RBPJ: variants seen among roughly 807,000 people sequenced by gnomAD.
The protein encoded by RBPJ is recombining binding protein suppressor of hairless.
A neutral mutation model predicts 67.8 loss-of-function variants in RBPJ; 9 were observed. The observed-to-expected ratio is 0.13, with a 90% confidence interval of 0.08 to 0.23. RBPJ has a LOEUF of 0.23. RBPJ is among the 10% of genes least tolerant of loss of function. RBPJ has a pLI of 1.00. For synonymous variants in RBPJ, 198 were observed against 203.3 expected (o/e 0.97, Z 0.22); for missense variants, 305 against 595.6 (o/e 0.51, Z 5.08).
In RBPJ at chr4:26,174,657, A is replaced by T. The variant is rs1195025686; in HGVS notation, c.-167+11043A>T. ...ACTAATTTTTATACTTTTAGTAGAG[A>T]TGGGGTTTCACTATGTTGGCAAGGC... is the stretch of plus-strand genomic sequence containing the variant. On this transcript the variant is annotated intron_variant, in intron 1 of 4. Coordinates refer to the RBPJ transcript ENST00000512351. Among the ~76,000 whole-genome samples, 6 of 152,116 alleles carry T rather than the reference A, an allele frequency of 3.9e-5. 1 individual carries two copies. The highest frequency in any genetic ancestry group is 1.4e-4 in the African/African-American group (6 of 41,514).
intron 1 of RBPJ, among the ~76,000 whole-genome samples, chr4:26,215,262 A>G: frequency 1.3e-5 from 1 of 76,606 alleles, no homozygotes; most frequent in African/African-American, 8.1e-5. Context: ...AAAGAAAGGA[A>G]GGGAGGGAGG....
intron 1 of RBPJ, among the ~76,000 whole-genome samples, chr4:26,338,776 T>G (rs564535734): frequency 6.6e-6 from 1 of 151,998 alleles, no homozygotes; most frequent in Non-Finnish European, 1.5e-5. Flanking sequence ...GGTTTCACCA[T>G]CTTTCCCAGG....
At chr4:26,289,384 C>CAAAAAAAAAAAAAGAAAAA (rs1721587625) in intron 1 of RBPJ, among the ~76,000 whole-genome samples, 1 of 78,338 alleles carries the variant, frequency 1.3e-5, no homozygotes, top group African/African-American at 4.9e-5. Context: ...GACTTGGTCT[C>CAAAAAAAAAAAAAGAAAAA]AAAAAAAAAA....
intron 1 of RBPJ, among the ~76,000 whole-genome samples, chr4:26,164,618 A>G (rs1439244037): frequency 6.6e-6 from 1 of 152,252 alleles, no homozygotes; most frequent in East Asian, 1.9e-4. Context: ...TTCCAAAAGT[A>G]CTTGGATGCA....
At chr4:26,396,950 A>G (rs1452564774) in intron 2 of RBPJ, among the ~76,000 whole-genome samples, 1 of 152,188 alleles carries the variant, frequency 6.6e-6, no homozygotes, top group Non-Finnish European at 1.5e-5. Flanking sequence ...GACCTTGTTG[A>G]CTATTGATAG....
chr4:26,394,188 G>A lies in RBPJ; in HGVS notation c.59+7797G>A, dbSNP rs1289388400. On this transcript the variant is annotated intron_variant, in intron 2 of 10. Transcript: ENST00000355476. ...ACTACAGGTACCTGCCACCACACCC[G>A]GCTAATTTTTTTGTATTTTTAGTAG... Among the ~76,000 whole-genome samples the A allele has an allele frequency of 4.0e-5, 6 of 151,886 alleles. No homozygotes were observed. The East Asian group carries it at 7.7e-4, about 20-fold the overall frequency.
At chr4:26,370,020 C>A (rs747713497) in intron 1 of RBPJ, among the ~76,000 whole-genome samples, 1 of 152,098 alleles carries the variant, frequency 6.6e-6, no homozygotes, top group Non-Finnish European at 1.5e-5. Flanking sequence ...AGTTATCTGA[C>A]CAACAAGGAT....
chr4:26,342,142 C>T (rs945538848), intron 1 of RBPJ, among the ~76,000 whole-genome samples: 5 of 151,866 alleles, frequency 3.3e-5, no homozygotes, highest in African/African-American at 9.7e-5. Flanking sequence ...AGCAAGTTCC[C>T]GGATGATTCT....
At chr4:26,162,373 C>A (rs1716106108), upstream of RBPJ, among the ~76,000 whole-genome samples, 1 of 152,348 alleles carries the variant, frequency 6.6e-6, no homozygotes, top group East Asian at 1.9e-4. Context: ...CCAGTGAGTT[C>A]ATGATCTCCA....
chr4:26,321,049 GT>G lies in RBPJ; in HGVS notation c.20+2del. On this transcript the variant is annotated splice_donor_variant, in intron 1 of 10. Transcript: ENST00000355476. LOFTEE classifies it high-confidence loss of function. ...GGAAGATGGCGCCTGTTGTGACAGG[GT>G]AAGTCTGAGGGAATCGGAGCGCCGG... is the stretch of plus-strand genomic sequence containing the variant. 6.2e-7 allele frequency: 1 copy of G among 1,608,494 alleles called. No individual in the cohort carries two copies. Among genetic ancestry groups the G allele is most frequent in the Non-Finnish European group, 8.5e-7 (1 of 1,175,234 alleles).
intron 2 of RBPJ, among the ~76,000 whole-genome samples, chr4:26,399,884 G>T (rs1732587507): frequency 6.6e-6 from 1 of 151,912 alleles, no homozygotes; most frequent in South Asian, 2.1e-4. Context: ...TCACTATGTT[G>T]GCCAGGCTGG....
At chr4:26,351,954 G>A (rs906079503) in intron 1 of RBPJ, among the ~76,000 whole-genome samples, 1 of 152,168 alleles carries the variant, frequency 6.6e-6, no homozygotes, top group Non-Finnish European at 1.5e-5. Flanking sequence ...TTGGGTCGGG[G>A]GGAGGTGTGT....
chr4:26,268,265 AAAAAC>A (rs1720770157), intron 1 of RBPJ, among the ~76,000 whole-genome samples: 1 of 152,166 alleles, frequency 6.6e-6, no homozygotes, highest in South Asian at 2.1e-4. Context: ...AAAAAAAACA[AAAAAC>A]AAACAACAAA....
intron 2 of RBPJ, among the ~76,000 whole-genome samples, chr4:26,398,062 G>A (rs991372610): frequency 7.9e-6 from 1 of 127,242 alleles, no homozygotes; most frequent in Admixed American, 9.1e-5. Flanking sequence ...AAATGTTCAC[G>A]AGTGATATTG....
intron 1 of RBPJ, among the ~76,000 whole-genome samples, chr4:26,166,662 G>A (rs1252837187): frequency 2.0e-5 from 3 of 151,848 alleles, no homozygotes; most frequent in Non-Finnish European, 4.4e-5. Context: ...CTCCCGTTTT[G>A]TAGGTTGCCT....
chr4:26,187,576 CA>C (rs1717318775), intron 1 of RBPJ, among the ~76,000 whole-genome samples: 1 of 152,166 alleles, frequency 6.6e-6, no homozygotes, highest in South Asian at 2.1e-4. Context: ...TAATACATCT[CA>C]ATTACATGGA....
intron 1 of RBPJ, among the ~76,000 whole-genome samples, chr4:26,366,826 T>A (rs1423271203): frequency 1.3e-5 from 2 of 151,086 alleles, no homozygotes; most frequent in African/African-American, 4.9e-5. Context: ...TCATGCAGTT[T>A]AAAAAAAAAT....
chr4:26,240,017 G>C (rs1476607326), intron 1 of RBPJ, among the ~76,000 whole-genome samples: 1 of 152,152 alleles, frequency 6.6e-6, no homozygotes, highest in Non-Finnish European at 1.5e-5. Context: ...AGGACTCCCA[G>C]CACCCCGTCC....
chr4:26,319,810 T>A, upstream of RBPJ: 1 of 1,443,532 alleles, frequency 6.9e-7, no homozygotes, highest in South Asian at 1.1e-5. Flanking sequence ...GTTTTGGGGC[T>A]CCCTGCGGGA....
Sources: gnomAD v4.1 joint callset for allele counts (sites outside exome capture counted in the v4.1 genomes callset) on GRCh38, gnomAD v4.1.1 for gene constraint, MANE v1.5 for transcripts, NCBI Gene and HGNC (gene_info 2026-07-23, HGNC 2026-07-21) for gene names.